Variants in MACROD2 observed in about 807,000 individuals in gnomAD.
MACROD2 encodes the protein ADP-ribose glycohydrolase MACROD2.
MACROD2 carries 36 observed loss-of-function variants against 70.4 expected under a neutral mutation model. The ratio of observed to expected loss-of-function variants is 0.51; its 90% CI spans 0.39 to 0.68. The LOEUF (loss-of-function observed/expected upper bound fraction) is 0.68. MACROD2 is among the 30% of genes least tolerant of loss of function. MACROD2 has a pLI of 0.00. For missense variants in MACROD2, 496 were observed against 538.4 expected (o/e 0.92, Z 0.78); for synonymous variants, 172 against 178.8 (o/e 0.96, Z 0.30).
chr20:15,169,127 G>C lies in MACROD2; in HGVS notation c.419-60813G>C, dbSNP rs544930845. 2.1e-4 allele frequency among the ~76,000 whole-genome samples: 32 copies of C among 152,208 alleles called. No homozygotes were observed. The South Asian group carries it at 2.7e-3, about 13-fold the overall frequency. On this transcript the variant is annotated intron_variant, in intron 5 of 17. Transcript: ENST00000684519. The stretch of plus-strand genomic sequence containing the variant: ...GTGATATACTTAATGCCACTAAACT[G>C]TATACCTAAAATTGGTTAAAAGGGT...
chr20:15,408,459 T>C (rs965531765), intron 6 of MACROD2, among the ~76,000 whole-genome samples: 2 of 152,226 alleles, frequency 1.3e-5, no homozygotes, highest in African/African-American at 4.8e-5. Context: ...CCTTTGCTTT[T>C]TAAAGTCTTT....
intron 12 of MACROD2, among the ~76,000 whole-genome samples, chr20:15,964,476 C>A (rs1380248421): frequency 6.6e-6 from 1 of 152,086 alleles, no homozygotes; most frequent in Non-Finnish European, 1.5e-5. Flanking sequence ...AAGCCTCCAC[C>A]TTTATGATCC....
At chr20:15,047,466 G>T (rs1387289295) in intron 5 of MACROD2, among the ~76,000 whole-genome samples, 2 of 152,116 alleles carry the variant, frequency 1.3e-5, no homozygotes, top group Non-Finnish European at 2.9e-5. Context: ...ATAAAAATTA[G>T]TATGATACAC....
At chr20:14,742,352 A>T (rs1429355814) in intron 5 of MACROD2, among the ~76,000 whole-genome samples, 3 of 152,154 alleles carry the variant, frequency 2.0e-5, no homozygotes, top group African/African-American at 7.2e-5. Context: ...TTTAAAAACT[A>T]CAGAAATATG....
chr20:15,318,208 T>TA (rs1377173137), intron 6 of MACROD2, among the ~76,000 whole-genome samples: 2 of 152,154 alleles, frequency 1.3e-5, no homozygotes, highest in Non-Finnish European at 2.9e-5. Flanking sequence ...TGAACTATTG[T>TA]ATGCTAACAA....
At chr20:14,456,803 G>A (rs1600255806) in intron 3 of MACROD2, among the ~76,000 whole-genome samples, 1 of 128,370 alleles carries the variant, frequency 7.8e-6, no homozygotes, top group African/African-American at 2.9e-5. Context: ...TGCAAGCCCC[G>A]CCTCCCGGGT....
At chr20:15,478,855 C>T (rs1428429613) in intron 7 of MACROD2, among the ~76,000 whole-genome samples, 4 of 152,156 alleles carry the variant, frequency 2.6e-5, no homozygotes, top group East Asian at 1.9e-4. Context: ...TGCAAGGTGG[C>T]TGTCAATCAC....
intron 5 of MACROD2, among the ~76,000 whole-genome samples, chr20:14,862,034 T>C (rs1600734945): frequency 2.8e-5 from 1 of 35,344 alleles, no homozygotes; most frequent in African/African-American, 1.2e-4. Context: ...TATATTTATA[T>C]ATATTTATAT....
intron 2 of MACROD2, among the ~76,000 whole-genome samples, chr20:14,078,450 AG>A (rs2053945265): frequency 6.6e-6 from 1 of 151,982 alleles, no homozygotes; most frequent in South Asian, 2.1e-4. Context: ...CTTATCCCCC[AG>A]GCTGGAGTAC....
intron 3 of MACROD2, among the ~76,000 whole-genome samples, chr20:14,373,427 TA>T (rs2083344459): frequency 6.6e-6 from 1 of 152,022 alleles, no homozygotes; most frequent in Admixed American, 6.5e-5. Context: ...TTGTCTCTAG[TA>T]TTTTTTTTTA....
At chr20:15,280,313 CTTT>C (rs537535974) in intron 6 of MACROD2, among the ~76,000 whole-genome samples, 1 of 149,168 alleles carries the variant, frequency 6.7e-6, no homozygotes, top group African/African-American at 2.5e-5. Context: ...AGGATGCAAA[CTTT>C]TTTTTTTATT....
chr20:15,091,402 TTAAGATAAA>T (rs1362988262), intron 5 of MACROD2, among the ~76,000 whole-genome samples: 1 of 152,050 alleles, frequency 6.6e-6, no homozygotes, highest in African/African-American at 2.4e-5. Flanking sequence ...ACTAGGACAG[TTAAGATAAA>T]TGAATGAAAA....
At chr20:14,597,304 A>T (rs1982208868) in intron 4 of MACROD2, among the ~76,000 whole-genome samples, 1 of 152,172 alleles carries the variant, frequency 6.6e-6, no homozygotes, top group African/African-American at 2.4e-5. Context: ...AATACATCTT[A>T]TGTGGGAATG....
chr20:15,402,189 GGT>G (rs2146309804), intron 6 of MACROD2, among the ~76,000 whole-genome samples: 2 of 152,092 alleles, frequency 1.3e-5, no homozygotes, highest in African/African-American at 4.8e-5. Context: ...CATTTCCTGG[GGT>G]TCTCTTCAAT....
chr20:15,678,031 C>G (rs1320100052), intron 8 of MACROD2, among the ~76,000 whole-genome samples: 1 of 151,684 alleles, frequency 6.6e-6, no homozygotes, highest in Non-Finnish European at 1.5e-5. Flanking sequence ...CGCCACTGCA[C>G]TCCAGCCTGG....
chr20:15,652,331 T>C (rs1251864013), intron 8 of MACROD2, among the ~76,000 whole-genome samples: 3 of 152,344 alleles, frequency 2.0e-5, no homozygotes, highest in South Asian at 2.1e-4. Context: ...ATGAGAGTCA[T>C]GTGCTTTCAA....
intron 5 of MACROD2, among the ~76,000 whole-genome samples, chr20:15,196,267 GAA>G (rs58567238): frequency 7.0e-6 from 1 of 142,600 alleles, no homozygotes; most frequent in African/African-American, 2.6e-5. Context: ...ATTAAAAAAT[GAA>G]AAAAAAAAGA....
chr20:14,407,701 G>A (rs1210500749), intron 3 of MACROD2, among the ~76,000 whole-genome samples: 2 of 152,036 alleles, frequency 1.3e-5, no homozygotes, highest in Non-Finnish European at 2.9e-5. Flanking sequence ...TGTCTTAGCT[G>A]GATTTTATAT....
chr20:15,997,306 T>A (rs11087157), intron 15 of MACROD2, among the ~76,000 whole-genome samples: 20,113 of 152,170 alleles, frequency 0.13, 1,692 homozygotes, highest in Non-Finnish European at 0.2. Context: ...TTGGGCATTT[T>A]AACAACATTA....
Sources: gnomAD v4.1 joint callset for allele counts (sites outside exome capture counted in the v4.1 genomes callset) on GRCh38, gnomAD v4.1.1 for gene constraint, MANE v1.5 for transcripts, NCBI Gene and HGNC (gene_info 2026-07-23, HGNC 2026-07-21) for gene names.